AGAP1: variants seen among roughly 807,000 people sequenced by gnomAD.
AGAP1 encodes arf-GAP with GTPase, ANK repeat and PH domain-containing protein 1.
In AGAP1, 29 loss-of-function variants were observed where a neutral mutation model predicts 105.3. The ratio of observed to expected loss-of-function variants is 0.28; its 90% CI spans 0.21 to 0.38. The LOEUF is 0.38. Among genes scored for constraint, AGAP1 ranks in the 10% least tolerant of loss-of-function variants. The pLI is 1.00. For synonymous variants in AGAP1, 509 were observed against 485.9 expected, an observed-to-expected ratio of 1.05 and a Z score of -0.63; for missense variants, 998 against 1,165.1, an observed-to-expected ratio of 0.86 and a Z score of 2.09.
chr2:235,841,126 A>G (rs1039068266), intron 9 of AGAP1, among the ~76,000 whole-genome samples: 23 of 152,130 alleles, frequency 1.5e-4, no homozygotes. Flanking sequence ...CGGCAGGGCT[A>G]TGAACGATGA....
At position 235,960,354 on chromosome 2, in the gene AGAP1, T is replaced by G. The variant is rs949406648; in HGVS notation, c.1484-8108T>G. 3.3e-5 allele frequency among the ~76,000 whole-genome samples: 5 copies of G among 152,138 alleles called. No individual in the cohort carries two copies. Among genetic ancestry groups the G allele is most frequent in the Admixed American group, 1.3e-4 (2 of 15,270 alleles). ...CCCTGTGTCCTCTGAAAAGCTTGCC[T>G]CCTTCTCCCCGCAGTGGCCAGGACA... On this transcript the variant is annotated intron_variant, in intron 12 of 17. Transcript: ENST00000304032. The surrounding 1 kb of genome is among the most constrained non-coding windows in gnomAD (Gnocchi z 4.9).
intron 6 of AGAP1, 99 bp from the exon 7 acceptor site, chr2:235,797,660 G>A (rs1370518322): frequency 1.5e-5 from 22 of 1,468,762 alleles, no homozygotes; most frequent in Non-Finnish European, 1.9e-5. Context: ...TGCGAAAGAA[G>A]GAAATAACAG....
intron 1 of AGAP1, among the ~76,000 whole-genome samples, chr2:235,703,086 C>G (rs1271987094): frequency 6.6e-6 from 1 of 151,922 alleles, no homozygotes; most frequent in Non-Finnish European, 1.5e-5. Context: ...CACCACCTCA[C>G]TTGGCTAGTT....
chr2:235,840,911 G>A (rs1459009779), intron 9 of AGAP1, among the ~76,000 whole-genome samples: 1 of 152,086 alleles, frequency 6.6e-6, no homozygotes, highest in Non-Finnish European at 1.5e-5. Context: ...GGTGGTCTTA[G>A]GAGGGACAAA....
rs1051971072 is a variant in AGAP1 at position 235,660,993 on chromosome 2, G to A, written c.164-48186G>A. On this transcript the variant is annotated intron_variant, in intron 1 of 17. Transcript: ENST00000304032. This position sits in a 1 kb window ranked among gnomAD's most constrained non-coding sequence, Gnocchi z 5.3. ...GGCGTTGAATACTGGTTAAGGAAAC[G>A]GACGCTTTATTCTGCAGGTGACAGG... Among the ~76,000 whole-genome samples the A allele has an allele frequency of 1.3e-5, 2 of 152,120 alleles. No homozygotes were observed. Among genetic ancestry groups the A allele is most frequent in the Admixed American group, 6.5e-5 (1 of 15,270 alleles).
At chr2:235,626,177 A>G (rs1347074480) in intron 1 of AGAP1, among the ~76,000 whole-genome samples, 3 of 150,510 alleles carry the variant, frequency 2.0e-5, no homozygotes, top group Admixed American at 2.0e-4. Context: ...ACGAAACCCC[A>G]TCTCTACTAA....
In AGAP1 at chr2:236,073,332, T is replaced by C. The variant is rs1161733620; in HGVS notation, c.2114+24051T>C. Among the ~76,000 whole-genome samples, 1 of 152,144 alleles carries C rather than the reference T, an allele frequency of 6.6e-6. No individual in the cohort carries two copies. The highest frequency in any genetic ancestry group is 6.5e-5 in the Admixed American group (1 of 15,272). ...TTATTCTGAGCCTTTGACACATCAG[T>C]AGGTTATTTCACACAGCACATCTCC... On this transcript the variant is annotated intron_variant, in intron 16 of 17. Transcript: ENST00000304032. The surrounding 1 kb of genome is among the most constrained non-coding windows in gnomAD (Gnocchi z 5.4).
In AGAP1 at chr2:235,736,859, C is replaced by T. The variant is rs184796262; in HGVS notation, c.311-4104C>T. On this transcript the variant is annotated intron_variant, in intron 3 of 17. Transcript: ENST00000304032. This position sits in a 1 kb window ranked among gnomAD's most constrained non-coding sequence, Gnocchi z 5.5. ...GTGTCTCAAAAAACAAAACAAAACA[C>T]AACACAACAACAATGAAAAATCTAA... Among the ~76,000 whole-genome samples, 761 of 151,602 alleles carry T rather than the reference C, an allele frequency of 5.0e-3. 6 individuals carry two copies. The highest frequency in any genetic ancestry group is 0.016 in the South Asian group (76 of 4,780).
In AGAP1 at chr2:236,000,563, A is replaced by G. The variant is rs978710278; in HGVS notation, c.1645+31940A>G. Among the ~76,000 whole-genome samples the G allele has an allele frequency of 6.6e-6, 1 of 151,932 alleles. No homozygotes were observed. Among genetic ancestry groups the G allele is most frequent in the African/African-American group, 2.4e-5 (1 of 41,354 alleles). On this transcript the variant is annotated intron_variant, in intron 13 of 17. Coordinates refer to ENST00000304032, the MANE Select transcript of AGAP1 (RefSeq NM_001037131.3). This position sits in a 1 kb window ranked among gnomAD's most constrained non-coding sequence, Gnocchi z 4.3. ...GCCTGTTCCTAGAAGGCCATGGCGC[A>G]CCTGCTCTGTGCAGAGGCTGGGCGA... is the stretch of plus-strand genomic sequence containing the variant.
chr2:235,949,458 G>A (rs1018621394), intron 12 of AGAP1, among the ~76,000 whole-genome samples: 2 of 152,210 alleles, frequency 1.3e-5, no homozygotes, highest in South Asian at 2.1e-4. Flanking sequence ...TGAAATTCCT[G>A]ATTATGCCAC....
At chr2:235,917,258 C>T (rs1400807841) in intron 11 of AGAP1, among the ~76,000 whole-genome samples, 3 of 151,864 alleles carry the variant, frequency 2.0e-5, no homozygotes, top group South Asian at 2.1e-4. Context: ...GTGGGGGAGG[C>T]GGGGACAGCA....
rs577807063 is a variant in AGAP1, at chr2:235,672,989, T to C, written c.164-36190T>C. ...GATATTACCAGCATTGTGGGTTGTA[T>C]AGAAAAACGGAAATTTAATGAACTA... is the stretch of plus-strand genomic sequence containing the variant. On this transcript the variant is annotated intron_variant, in intron 1 of 17. Transcript: ENST00000304032. 1.3e-3 allele frequency among the ~76,000 whole-genome samples: 193 copies of C among 152,320 alleles called. 1 individual carries two copies. Among genetic ancestry groups the C allele is most frequent in the African/African-American group, 4.3e-3 (178 of 41,580 alleles).
At position 235,728,494 on chromosome 2, in the gene AGAP1, C is replaced by T. The variant is rs1174502769; in HGVS notation, c.310+10850C>T. ...CTCACAGTGTAGTCCTTTATCCATG[C>T]TTGTTGGCTTCTGGAACGCACAGTG... On this transcript the variant is annotated intron_variant, in intron 3 of 17. Transcript: ENST00000304032. This position sits in a 1 kb window ranked among gnomAD's most constrained non-coding sequence, Gnocchi z 4.3. Among the ~76,000 whole-genome samples, 2 of 152,098 alleles carry T rather than the reference C, an allele frequency of 1.3e-5. No homozygotes were observed. The highest frequency in any genetic ancestry group is 4.8e-5 in the African/African-American group (2 of 41,408).
Position 235,659,176 on chromosome 2 carries a change from G to A in AGAP1, c.164-50003G>A, listed in dbSNP as rs57322063. Among the ~76,000 whole-genome samples the A allele has an allele frequency of 2.4e-3, 361 of 152,336 alleles. 11 individuals are homozygous for A. In the East Asian group the frequency reaches 0.064, roughly 27 times the overall value. ...GTTTGTGCGTTTCTGTGAATCTGAT[G>A]AGTGGGTTGTGGACTTCAATCCAGC... On this transcript the variant is annotated intron_variant, in intron 1 of 17. Transcript: ENST00000304032. This position sits in a 1 kb window ranked among gnomAD's most constrained non-coding sequence, Gnocchi z 5.0.
At chr2:235,915,072 G>T (rs12989841) in intron 11 of AGAP1, among the ~76,000 whole-genome samples, 1 of 152,092 alleles carries the variant, frequency 6.6e-6, no homozygotes, top group African/African-American at 2.4e-5. Flanking sequence ...CCCCCCACAC[G>T]GTAGGTCTAA....
At chr2:235,558,666 T>G (rs1345172191) in intron 1 of AGAP1, among the ~76,000 whole-genome samples, 3 of 152,156 alleles carry the variant, frequency 2.0e-5, no homozygotes, top group Non-Finnish European at 4.4e-5. Context: ...TGTTATGGGA[T>G]GGGGACTGCA....
intron 12 of AGAP1, among the ~76,000 whole-genome samples, chr2:235,952,346 CAT>C (rs763374698): frequency 2.0e-5 from 3 of 150,450 alleles, no homozygotes; most frequent in Non-Finnish European, 2.9e-5. Context: ...GAAGTTATAA[CAT>C]AGGTTTTAAA....
intron 12 of AGAP1, among the ~76,000 whole-genome samples, chr2:235,966,934 T>TA: frequency 6.6e-6 from 1 of 152,344 alleles, no homozygotes; most frequent in South Asian, 2.1e-4. Flanking sequence ...TTTCTCAACA[T>TA]ATGATAAAAT....
chr2:235,952,312 ATTTTC>A (rs1307536467), intron 12 of AGAP1, among the ~76,000 whole-genome samples: 3 of 152,060 alleles, frequency 2.0e-5, no homozygotes, highest in Admixed American at 1.3e-4. Flanking sequence ...AGAGAAAAAT[ATTTTC>A]TTTTCAGTGT....
Sources: allele counts gnomAD v4.1 joint callset (sites outside exome capture counted in the v4.1 genomes callset), GRCh38; gene constraint gnomAD v4.1.1; non-coding constraint Gnocchi (gnomAD v3.1); transcripts MANE v1.5; gene names NCBI Gene and HGNC (gene_info 2026-07-23, HGNC 2026-07-21).